The following CDKAL1 variants were observed in gnomAD, a reference collection of about 807,000 sequenced individuals.
CDKAL1 encodes threonylcarbamoyladenosine tRNA methylthiotransferase.
Under a neutral mutation model 68.2 loss-of-function variants are expected in CDKAL1, and 32 were observed. That is an observed-to-expected ratio of 0.47 (90% CI 0.35 to 0.63). The LOEUF is 0.63. Among genes scored for constraint, CDKAL1 ranks in the 30% least tolerant of loss-of-function variants. CDKAL1 has a pLI of 0.00. For synonymous variants in CDKAL1, 234 were observed against 244.3 expected, an observed-to-expected ratio of 0.96 and a Z score of 0.39; for missense variants, 606 against 696.7, an observed-to-expected ratio of 0.87 and a Z score of 1.47.
intron 10 of CDKAL1, among the ~76,000 whole-genome samples, chr6:20,999,422 G>A (rs775657163): frequency 6.6e-6 from 1 of 151,876 alleles, no homozygotes; most frequent in East Asian, 1.9e-4. Context: ...TTTCTTATTC[G>A]CCCCCTTTGT....
intron 13 of CDKAL1, among the ~76,000 whole-genome samples, chr6:21,192,388 A>C (rs1174611328): frequency 6.6e-6 from 1 of 152,188 alleles, no homozygotes; most frequent in Admixed American, 6.5e-5. Context: ...TGTACATCCT[A>C]GGAAAAAATT....
chr6:20,631,510 GT>G (rs1288973148), intron 4 of CDKAL1, among the ~76,000 whole-genome samples: 1 of 152,144 alleles, frequency 6.6e-6, no homozygotes, highest in East Asian at 1.9e-4. Context: ...CCCATGTCTA[GT>G]CAGTCAGTAA....
intron 8 of CDKAL1, among the ~76,000 whole-genome samples, chr6:20,829,875 T>C (rs6917412): frequency 0.23 from 35,048 of 152,028 alleles, 4,389 homozygotes; most frequent in African/African-American, 0.32. Flanking sequence ...TTATTTACTT[T>C]TATTATTATT....
chr6:20,672,891 C>T (rs1306083387), intron 5 of CDKAL1, among the ~76,000 whole-genome samples: 1 of 152,130 alleles, frequency 6.6e-6, no homozygotes, highest in Non-Finnish European at 1.5e-5. Context: ...ATTCTCCTGC[C>T]TCAGCCTCCC....
At chr6:20,843,452 T>A (rs1778254166) in intron 8 of CDKAL1, among the ~76,000 whole-genome samples, 1 of 152,036 alleles carries the variant, frequency 6.6e-6, no homozygotes, top group Admixed American at 6.6e-5. Flanking sequence ...ATAAGGGATT[T>A]TGAATTTTTT....
chr6:20,753,831 T>C (rs1314376639), intron 6 of CDKAL1, among the ~76,000 whole-genome samples: 26 of 152,214 alleles, frequency 1.7e-4, no homozygotes, highest in Admixed American at 1.5e-3. Flanking sequence ...GGTAACTGTT[T>C]ATTTAATCAT....
intron 11 of CDKAL1, among the ~76,000 whole-genome samples, chr6:21,007,933 A>C (rs1365128324): frequency 6.6e-6 from 1 of 152,240 alleles, no homozygotes; most frequent in Non-Finnish European, 1.5e-5. Flanking sequence ...TGGAGACAAT[A>C]AAGTGGATTC....
chr6:20,988,280 G>T (rs1766597250), intron 10 of CDKAL1, among the ~76,000 whole-genome samples: 1 of 148,512 alleles, frequency 6.7e-6, no homozygotes, highest in African/African-American at 2.5e-5. Flanking sequence ...CAAAGGATTG[G>T]ATGCTACCCA....
chr6:20,956,682 T>C (rs1764792312), intron 10 of CDKAL1, among the ~76,000 whole-genome samples: 1 of 152,202 alleles, frequency 6.6e-6, no homozygotes, highest in Admixed American at 6.5e-5. Context: ...ATTATTTCGC[T>C]GATTTGATTT....
At chr6:21,160,708 T>C (rs1776889250) in intron 13 of CDKAL1, among the ~76,000 whole-genome samples, 1 of 146,992 alleles carries the variant, frequency 6.8e-6, no homozygotes, top group Non-Finnish European at 1.5e-5. Context: ...TATATGTATA[T>C]ATATTTTTTA....
intron 6 of CDKAL1, among the ~76,000 whole-genome samples, chr6:20,742,167 C>A (rs929243310): frequency 2.0e-5 from 3 of 151,608 alleles, no homozygotes; most frequent in African/African-American, 7.3e-5. Flanking sequence ...TTTGTTTTTT[C>A]TCTTGTAAAT....
chr6:20,916,477 A>C (rs1415170334), intron 9 of CDKAL1, among the ~76,000 whole-genome samples: 2 of 152,212 alleles, frequency 1.3e-5, no homozygotes, highest in African/African-American at 4.8e-5. Flanking sequence ...AGAAATAACA[A>C]GAGTATAGCA....
chr6:20,766,020 T>A (rs958106258), intron 7 of CDKAL1, among the ~76,000 whole-genome samples: 4 of 152,214 alleles, frequency 2.6e-5, no homozygotes, highest in African/African-American at 9.7e-5. Flanking sequence ...ATCAAGTATT[T>A]TTAGCCATTA....
intron 13 of CDKAL1, among the ~76,000 whole-genome samples, chr6:21,165,186 A>G (rs1454353185): frequency 1.3e-5 from 2 of 152,174 alleles, no homozygotes; most frequent in Non-Finnish European, 2.9e-5. Context: ...GTTTCAGGAG[A>G]AGAAGGACCA....
At chr6:21,109,606 A>G (rs1328020506) in intron 13 of CDKAL1, among the ~76,000 whole-genome samples, 1 of 152,236 alleles carries the variant, frequency 6.6e-6, no homozygotes, top group African/African-American at 2.4e-5. Context: ...TTTCAAGCTA[A>G]ATCAGTCACA....
intron 13 of CDKAL1, among the ~76,000 whole-genome samples, chr6:21,179,872 T>A (rs944598324): frequency 6.6e-6 from 1 of 152,104 alleles, no homozygotes; most frequent in Non-Finnish European, 1.5e-5. Flanking sequence ...AATACAAAAA[T>A]TAGCTGGGCG....
chr6:21,059,941 G>T (rs1771056071), intron 11 of CDKAL1, among the ~76,000 whole-genome samples: 1 of 151,930 alleles, frequency 6.6e-6, no homozygotes, highest in South Asian at 2.1e-4. Flanking sequence ...AGTCTTCACT[G>T]TTCATTATTC....
intron 11 of CDKAL1, among the ~76,000 whole-genome samples, chr6:21,035,781 G>A: frequency 6.6e-6 from 1 of 152,070 alleles, no homozygotes. Context: ...CCTTGAAAAT[G>A]TATTTTCACA....
chr6:20,589,121 G>A lies in CDKAL1; in HGVS notation c.286+40416G>A, dbSNP rs558229673. On this transcript the variant is annotated intron_variant, in intron 4 of 15. Coordinates refer to ENST00000274695, the MANE Select transcript of CDKAL1 (RefSeq NM_017774.3). Reference sequence around the variant, plus strand: ...CTCCGTGAACATCTGCAGCCACACAGAGAAATTTTATTTGCCTTTTGTTAT... The same window carrying A: ...CTCCGTGAACATCTGCAGCCACACAAAGAAATTTTATTTGCCTTTTGTTAT... Among the ~76,000 whole-genome samples the A allele has an allele frequency of 3.8e-4, 58 of 152,222 alleles. 1 individual carries two copies. The Middle Eastern group carries it at 0.014, about 36-fold the overall frequency.
Sources: allele counts gnomAD v4.1 joint callset (sites outside exome capture counted in the v4.1 genomes callset), GRCh38; gene constraint gnomAD v4.1.1; transcripts MANE v1.5; gene names NCBI Gene and HGNC (gene_info 2026-07-23, HGNC 2026-07-21).